ARHGAP45: variants seen among roughly 807,000 people sequenced by gnomAD.
The protein encoded by ARHGAP45 is rho GTPase-activating protein 45.
A neutral mutation model predicts 116.1 loss-of-function variants in ARHGAP45; 56 were observed. That is an observed-to-expected ratio of 0.48 (90% CI 0.39 to 0.60). The LOEUF is 0.60. Ranked by LOEUF, ARHGAP45 falls within the 20% of genes least tolerant of loss-of-function variation. The pLI is 0.00. For synonymous variants in ARHGAP45, 866 were observed against 701.7 expected, an observed-to-expected ratio of 1.23 and a Z score of -3.70; for missense variants, 1,622 against 1,601.0, an observed-to-expected ratio of 1.01 and a Z score of -0.22.
Position 1,068,976 on chromosome 19 carries a change from T to G in ARHGAP45, c.421+232T>G, listed in dbSNP as rs1303042468. 6.6e-6 allele frequency among the ~76,000 whole-genome samples: 1 copy of G among 151,846 alleles called. No individual in the cohort carries two copies. The highest frequency in any genetic ancestry group is 1.5e-5 in the Non-Finnish European group (1 of 67,972). On this transcript the variant is annotated intron_variant, in intron 2 of 22. Transcript: ENST00000313093. This position sits in a 1 kb window ranked among gnomAD's most constrained non-coding sequence, Gnocchi z 7.5. The stretch of plus-strand genomic sequence containing the variant: ...TGCCCACTTTATTTTTTTTAAAGGA[T>G]CTGATGGCAATTAGGAGGGAAAGGC...
chr19:1,066,258 G>A (rs4147939), upstream of ARHGAP45: 54,734 of 908,750 alleles, frequency 0.06, 2,799 homozygotes, highest in South Asian at 0.13. Context: ...CTTGGGGAGG[G>A]GGGAGAGAGT....
Position 1,079,911 on chromosome 19 carries a change from TCCGGTGC to T in ARHGAP45, c.1513-15_1513-9del. 1.2e-6 allele frequency: 2 copies of T among 1,601,686 alleles called. No individual in the cohort carries two copies. Among genetic ancestry groups the T allele is most frequent in the South Asian group, 2.2e-5 (2 of 90,762 alleles). On this transcript the variant is annotated splice_polypyrimidine_tract_variant and intron_variant, in intron 12 of 22. Transcript: ENST00000313093. Reference sequence around the variant, plus strand: ...CGGCCTCCTCCTGACCCCTCCGCTCTCCGGTGCCGCCCGCAGGCCACGATCTCCTACT... The same window carrying T: ...CGGCCTCCTCCTGACCCCTCCGCTCTCGCCCGCAGGCCACGATCTCCTACT...
At position 1,080,989 on chromosome 19, in the gene ARHGAP45, C is replaced by T. The variant is rs746278192; in HGVS notation, c.2115C>T (p.Leu705=). The T allele has an allele frequency of 1.5e-5, 24 of 1,607,838 alleles. No homozygotes were observed. The highest frequency in any genetic ancestry group is 1.7e-5 in the Non-Finnish European group (20 of 1,178,002). The change falls in exon 17 of 23, where the codon CTC becomes CTT. Residue 705 remains leucine, a synonymous_variant. Transcript: ENST00000313093. Reference sequence around the variant, plus strand: ...CCAAGGCGGCCCGTACTCACCGGCTCCGGAAGCTCCGCACGCCCGCCAAGT... The same window carrying T: ...CCAAGGCGGCCCGTACTCACCGGCTTCGGAAGCTCCGCACGCCCGCCAAGT... ...GLSKAARTHR[L]RKLRTPAKCR...
chr19:1,084,137 G>A lies in ARHGAP45; in HGVS notation c.2956-101G>A, dbSNP rs182822254. The A allele has an allele frequency of 4.1e-5, 44 of 1,072,688 alleles. No homozygotes were observed. In the East Asian group the frequency reaches 1.0e-3, roughly 25 times the overall value. 66.4% of individuals were successfully genotyped at this position (1,072,688 alleles called of 1,614,324 possible). A position where few individuals can be genotyped will look rare whatever the true frequency, so the allele number is the denominator to read the frequency against. ...GAGGACAGACCGCCTGGGCAACAGC[G>A]GGTGTCAGTAGCTGTTACGGGCTGT... On this transcript the variant is annotated intron_variant, in intron 21 of 22. Transcript: ENST00000313093.
chr19:1,074,330 C>T lies in ARHGAP45; in HGVS notation c.929-13C>T. Reference sequence around the variant, plus strand: ...CCTTGTCCCAGCACCTCACACCCCTCTCCGGCCCGCAGAGATGGAGTTTGC... The same window carrying T: ...CCTTGTCCCAGCACCTCACACCCCTTTCCGGCCCGCAGAGATGGAGTTTGC... On this transcript the variant is annotated splice_polypyrimidine_tract_variant and intron_variant, in intron 7 of 22. Coordinates refer to ENST00000313093, the MANE Select transcript of ARHGAP45 (RefSeq NM_012292.5). 1 of 1,611,226 alleles carries T rather than the reference C, an allele frequency of 6.2e-7. No homozygotes were observed. The highest frequency in any genetic ancestry group is 8.5e-7 in the Non-Finnish European group (1 of 1,178,964).
chr19:1,079,978 C>T lies in ARHGAP45; in HGVS notation c.1563C>T (p.Pro521=), dbSNP rs566734404. The T allele has an allele frequency of 1.2e-6, 2 of 1,612,794 alleles. No individual in the cohort carries two copies. Among genetic ancestry groups the T allele is most frequent in the Non-Finnish European group, 1.7e-6 (2 of 1,179,784 alleles). Reference sequence around the variant, plus strand: ...TGCATATGCAGACGGCGCCGCTGCCCGTGCACTTCCAGATGCTGTGTGAGA... The same window carrying T: ...TGCATATGCAGACGGCGCCGCTGCCTGTGCACTTCCAGATGCTGTGTGAGA... The part of the protein sequence containing the change: ...QMMHMQTAPL[P]VHFQMLCESS... The change falls in exon 13 of 23, where the codon CCC becomes CCT. Residue 521 remains proline (P), a synonymous_variant. Transcript: ENST00000313093.
intron 11 of ARHGAP45, among the ~76,000 whole-genome samples, chr19:1,078,424 T>A (rs1469090591): frequency 6.6e-6 from 1 of 151,070 alleles, no homozygotes; most frequent in East Asian, 2.0e-4. Flanking sequence ...ATTATAGGCA[T>A]GAGCCACTGC....
At position 1,086,113 on chromosome 19, in the gene ARHGAP45, C is replaced by A. The variant is rs2043639366; in HGVS notation, c.*107C>A. 2 of 1,045,764 alleles carry A rather than the reference C, an allele frequency of 1.9e-6. No homozygotes were observed. The highest frequency in any genetic ancestry group is 5.1e-5 in the Admixed American group (2 of 39,478). The allele number at this position is 1,045,764 out of a possible 1,614,324, so 64.8% of individuals were successfully genotyped here. ...GCTTAGGTGCGCCGTCCTGGGGTCGCTGCCGAGAGCGCCTGGACTTCGACG... is the reference window on the plus strand; with the variant it reads ...GCTTAGGTGCGCCGTCCTGGGGTCGATGCCGAGAGCGCCTGGACTTCGACG... On this transcript the variant is annotated 3_prime_UTR_variant, in exon 23 of 23. Transcript: ENST00000313093.
intron 18 of ARHGAP45, 26 bp from the exon 19 acceptor site, chr19:1,081,798 G>T: frequency 6.3e-7 from 1 of 1,590,460 alleles, no homozygotes. Flanking sequence ...AGGCTGATGG[G>T]CCTCCCCACC....
At chr19:1,067,732 G>A (rs2043065601) in intron 1 of ARHGAP45, 1 of 683,324 alleles carries the variant, frequency 1.5e-6, no homozygotes, top group Non-Finnish European at 2.7e-6. Flanking sequence ...CTGGCCGCGG[G>A]GCCCAGGGAG....
intron 2 of ARHGAP45, among the ~76,000 whole-genome samples, chr19:1,072,330 G>A (rs960375807): frequency 2.6e-5 from 4 of 152,218 alleles, no homozygotes; most frequent in Non-Finnish European, 4.4e-5. Flanking sequence ...CAAGTGCTGG[G>A]ATTACAGGCA....
intron 22 of ARHGAP45, among the ~76,000 whole-genome samples, chr19:1,085,185 GA>G (rs2043569440): frequency 6.6e-6 from 1 of 152,188 alleles, no homozygotes; most frequent in South Asian, 2.1e-4. Flanking sequence ...AGAAAGCAAA[GA>G]GGAGCAAGTC....
In ARHGAP45 at chr19:1,069,284, C is replaced by G. The variant is rs139865539; in HGVS notation, c.421+540C>G. Among the ~76,000 whole-genome samples the G allele has an allele frequency of 5.3e-5, 8 of 152,128 alleles. No individual in the cohort carries two copies. Among genetic ancestry groups the G allele is most frequent in the Non-Finnish European group, 1.2e-4 (8 of 67,996 alleles). ...AGGCGGCGGAGGTGCTGGGACCCAG[C>G]GGCCTGCAGGCCGGCAGTTCCGTTT... is the stretch of plus-strand genomic sequence containing the variant. On this transcript the variant is annotated intron_variant, in intron 2 of 22. Transcript: ENST00000313093. The surrounding 1 kb of genome is among the most constrained non-coding windows in gnomAD (Gnocchi z 4.1).
At position 1,085,643 on chromosome 19, in the gene ARHGAP45, C is replaced by G; in HGVS notation, c.3065-17C>G. Reference sequence around the variant, plus strand: ...TCTCCTGTCTGTCTCCCCCCGCCATCTGTCTCCCTTTCTTAGAATCCCGAG... The same window carrying G: ...TCTCCTGTCTGTCTCCCCCCGCCATGTGTCTCCCTTTCTTAGAATCCCGAG... On this transcript the variant is annotated splice_polypyrimidine_tract_variant and intron_variant, in intron 22 of 22. Transcript: ENST00000313093. 6.6e-7 allele frequency: 1 copy of G among 1,518,300 alleles called. No individual in the cohort carries two copies. The highest frequency in any genetic ancestry group is 8.9e-7 in the Non-Finnish European group (1 of 1,125,126). The allele number at this position is 1,518,300 out of a possible 1,614,324, so 94.1% of individuals were successfully genotyped here.
Position 1,069,297 on chromosome 19 carries a change from G to A in ARHGAP45, c.421+553G>A, listed in dbSNP as rs573217478. ...GCTGGGACCCAGCGGCCTGCAGGCC[G>A]GCAGTTCCGTTTTCTCCTCCACGCG... On this transcript the variant is annotated intron_variant, in intron 2 of 22. Coordinates refer to ENST00000313093, the MANE Select transcript of ARHGAP45 (RefSeq NM_012292.5). The surrounding 1 kb of genome is among the most constrained non-coding windows in gnomAD (Gnocchi z 4.1). 6.2e-4 allele frequency among the ~76,000 whole-genome samples: 94 copies of A among 152,262 alleles called. No homozygotes were observed. The highest frequency in any genetic ancestry group is 2.0e-3 in the African/African-American group (85 of 41,566).
Position 1,074,690 on chromosome 19 carries a change from C to T in ARHGAP45, c.1070C>T (p.Ala357Val), listed in dbSNP as rs1330958470. The T allele has an allele frequency of 1.9e-6, 3 of 1,605,766 alleles. No individual in the cohort carries two copies. The highest frequency in any genetic ancestry group is 2.5e-6 in the Non-Finnish European group (3 of 1,176,540). The change falls in exon 9 of 23, where the codon GCG becomes GTG. Residue 357 changes from alanine (A) to valine (V), a missense_variant. Physicochemically the swap from Ala to Val is moderately conservative, Grantham distance 64. Transcript: ENST00000313093. ...GAGTTCGGCCACAGCATGGTGCAGG[C>T]GGTGGGCACCTTGCAGACCCAGACC... ...DLEFGHSMVQAVGTLQTQTFM... is the reference protein window; with the variant it reads ...DLEFGHSMVQVVGTLQTQTFM...
intron 5 of ARHGAP45, 43 bp downstream of exon 5, chr19:1,073,789 G>A (rs556708793): frequency 2.6e-6 from 4 of 1,553,736 alleles, no homozygotes; most frequent in East Asian, 4.8e-5. Flanking sequence ...AGCTTCTGGA[G>A]GCCAGCCGGG....
intron 11 of ARHGAP45, 100 bp from the exon 12 acceptor site, chr19:1,079,603 C>CT: frequency 6.8e-7 from 1 of 1,468,038 alleles, no homozygotes. Flanking sequence ...CCTCCCGAGG[C>CT]GCTGGGATGA....
rs1167826240 is a variant in ARHGAP45 at position 1,085,848 on chromosome 19, G to T, written c.3253G>T (p.Asp1085Tyr). The T allele has an allele frequency of 5.6e-6, 9 of 1,611,966 alleles. No individual in the cohort carries two copies. The highest frequency in any genetic ancestry group is 6.8e-6 in the Non-Finnish European group (8 of 1,179,454). Reference protein sequence around the residue: ...EEQLEATAREDGDGDEDGPAQ... With the variant: ...EEQLEATAREYGDGDEDGPAQ... The stretch of plus-strand genomic sequence containing the variant: ...GCAGCTGGAGGCCACAGCCCGGGAG[G>T]ACGGGGACGGGGACGAGGACGGCCC... The change falls in exon 23 of 23, where the codon GAC becomes TAC. Residue 1085 changes from aspartate (D) to tyrosine (Y), a missense_variant. Physicochemically the swap from Asp to Tyr is radical, Grantham distance 160. Coordinates refer to ENST00000313093, the MANE Select transcript of ARHGAP45 (RefSeq NM_012292.5).
Sources: allele counts gnomAD v4.1 joint callset (sites outside exome capture counted in the v4.1 genomes callset), GRCh38; gene constraint gnomAD v4.1.1; non-coding constraint Gnocchi (gnomAD v3.1); transcripts MANE v1.5; gene names NCBI Gene and HGNC (gene_info 2026-07-23, HGNC 2026-07-21).